The following BMPR1B variants were observed in gnomAD, a reference collection of about 807,000 sequenced individuals.
BMPR1B encodes bone morphogenetic protein receptor type 1B.
In BMPR1B, 12 loss-of-function variants were observed where a neutral mutation model predicts 59.1. The ratio of observed to expected loss-of-function variants is 0.20; its 90% CI spans 0.13 to 0.33. BMPR1B has a LOEUF of 0.33. Among genes scored for constraint, BMPR1B ranks in the 10% least tolerant of loss-of-function variants. BMPR1B has a pLI of 1.00. For synonymous variants in BMPR1B, 237 were observed against 207.3 expected, an observed-to-expected ratio of 1.14 and a Z score of -1.23; for missense variants, 550 against 610.9, an observed-to-expected ratio of 0.90 and a Z score of 1.05.
intron 3 of BMPR1B, among the ~76,000 whole-genome samples, chr4:95,022,674 G>A (rs1213122277): frequency 2.6e-5 from 4 of 151,950 alleles, no homozygotes; most frequent in African/African-American, 9.7e-5. Context: ...ATGTTTAGAA[G>A]TGTGTGTACC....
intron 1 of BMPR1B, among the ~76,000 whole-genome samples, chr4:94,764,250 C>T (rs1415897407): frequency 6.6e-6 from 1 of 152,088 alleles, no homozygotes; most frequent in Non-Finnish European, 1.5e-5. Context: ...AAACGTAGGT[C>T]ACTGGGGAGC....
chr4:94,828,190 A>T (rs1724451224), intron 1 of BMPR1B, among the ~76,000 whole-genome samples: 1 of 152,214 alleles, frequency 6.6e-6, no homozygotes, highest in Admixed American at 6.5e-5. Context: ...AATTAATAGG[A>T]TTAATAACTA....
intron 2 of BMPR1B, among the ~76,000 whole-genome samples, chr4:94,891,587 A>G (rs577864722): frequency 1.3e-5 from 2 of 152,106 alleles, no homozygotes; most frequent in African/African-American, 2.4e-5. Flanking sequence ...TAGTGGCCAC[A>G]CATTCTAATC....
intron 2 of BMPR1B, among the ~76,000 whole-genome samples, chr4:94,890,405 A>G (rs1326051739): frequency 1.3e-5 from 2 of 152,084 alleles, no homozygotes; most frequent in African/African-American, 2.4e-5. Context: ...ACAATTGGCA[A>G]TTGAAGAATT....
chr4:94,924,274 A>C (rs1728804954), intron 2 of BMPR1B, among the ~76,000 whole-genome samples: 1 of 152,106 alleles, frequency 6.6e-6, no homozygotes, highest in African/African-American at 2.4e-5. Flanking sequence ...CTTGCCCTTA[A>C]GTTTCTAAGC....
intron 1 of BMPR1B, among the ~76,000 whole-genome samples, chr4:94,844,008 G>A (rs34898640): frequency 0.61 from 92,836 of 151,574 alleles, 29,408 homozygotes; most frequent in African/African-American, 0.78. Context: ...CAGGGGCTGG[G>A]GTATGGGGGG....
chr4:95,046,600 G>T (rs977888026), intron 3 of BMPR1B, among the ~76,000 whole-genome samples: 1 of 152,186 alleles, frequency 6.6e-6, no homozygotes, highest in Non-Finnish European at 1.5e-5. Context: ...AATCTAGAAT[G>T]TGTGAATGTC....
intron 3 of BMPR1B, among the ~76,000 whole-genome samples, chr4:95,003,910 C>A (rs1436227784): frequency 7.2e-6 from 1 of 138,482 alleles, no homozygotes. Flanking sequence ...CAAGTTCAAG[C>A]GATTCTTCTG....
chr4:95,040,173 C>CT (rs1421469241), intron 3 of BMPR1B, among the ~76,000 whole-genome samples: 1 of 152,006 alleles, frequency 6.6e-6, no homozygotes, highest in African/African-American at 2.4e-5. Context: ...TTCTAAGACA[C>CT]TTTTTTCATA....
intron 1 of BMPR1B, among the ~76,000 whole-genome samples, chr4:94,791,912 C>G (rs546573924): frequency 6.6e-6 from 1 of 151,962 alleles, no homozygotes; most frequent in South Asian, 2.1e-4. Context: ...ATTTCCTAAC[C>G]GCATCTTTGC....
At chr4:94,841,029 G>A (rs1422365413) in intron 1 of BMPR1B, among the ~76,000 whole-genome samples, 1 of 147,584 alleles carries the variant, frequency 6.8e-6, no homozygotes, top group Non-Finnish European at 1.5e-5. Flanking sequence ...GCCGTGTGAG[G>A]TGTCAGTGTG....
intron 3 of BMPR1B, among the ~76,000 whole-genome samples, chr4:95,095,614 A>G (rs1730314205): frequency 6.6e-6 from 1 of 152,140 alleles, no homozygotes; most frequent in South Asian, 2.1e-4. Flanking sequence ...TGTGATATTC[A>G]AAGAGTTTAA....
intron 1 of BMPR1B, among the ~76,000 whole-genome samples, chr4:94,760,160 T>A (rs1037694380): frequency 2.0e-5 from 3 of 152,178 alleles, no homozygotes; most frequent in Admixed American, 1.3e-4. Flanking sequence ...AAAATCTTGA[T>A]TTATGTCATG....
At chr4:94,859,521 A>G (rs1465333825) in intron 1 of BMPR1B, among the ~76,000 whole-genome samples, 1 of 152,158 alleles carries the variant, frequency 6.6e-6, no homozygotes, top group East Asian at 1.9e-4. Flanking sequence ...ACTAGTTAAG[A>G]CATTATTTCA....
At chr4:94,915,608 TAATG>T (rs1278806417) in intron 2 of BMPR1B, among the ~76,000 whole-genome samples, 2 of 152,204 alleles carry the variant, frequency 1.3e-5, no homozygotes, top group Non-Finnish European at 2.9e-5. Flanking sequence ...ACAATTAACA[TAATG>T]AAGATATTAC....
chr4:94,779,403 G>A (rs1158605257), intron 1 of BMPR1B, among the ~76,000 whole-genome samples: 1 of 152,084 alleles, frequency 6.6e-6, no homozygotes, highest in African/African-American at 2.4e-5. Context: ...ATATTACATT[G>A]CCTTAACTAG....
At position 94,839,763 on chromosome 4, in the gene BMPR1B, T is replaced by G. The variant is rs191554000; in HGVS notation, c.-182-36068T>G. On this transcript the variant is annotated intron_variant, in intron 1 of 12. Transcript: ENST00000515059. Reference sequence around the variant, plus strand: ...TTGGAGCATTTAGTCCATTTACATTTAAAGTTAATATTGTGATGTGTGAAT... The same window carrying G: ...TTGGAGCATTTAGTCCATTTACATTGAAAGTTAATATTGTGATGTGTGAAT... Among the ~76,000 whole-genome samples, 1,355 of 137,564 alleles carry G rather than the reference T, an allele frequency of 9.8e-3. 82 individuals carry two copies. Among genetic ancestry groups the G allele is most frequent in the African/African-American group, 0.034 (1,234 of 36,040 alleles). 90.2% of individuals were successfully genotyped at this position (137,564 alleles called of 152,430 possible).
intron 3 of BMPR1B, among the ~76,000 whole-genome samples, chr4:95,033,608 C>G (rs978402653): frequency 6.6e-6 from 1 of 152,052 alleles, no homozygotes; most frequent in African/African-American, 2.4e-5. Context: ...AGAGCAAAAG[C>G]GTTTTAGTGT....
intron 1 of BMPR1B, among the ~76,000 whole-genome samples, chr4:94,851,887 G>A (rs13150342): frequency 0.61 from 92,410 of 151,872 alleles, 28,980 homozygotes; most frequent in African/African-American, 0.76. Context: ...AACTCTACGA[G>A]TATGAAGACC....
Sources: allele counts gnomAD v4.1 joint callset (sites outside exome capture counted in the v4.1 genomes callset), GRCh38; gene constraint gnomAD v4.1.1; transcripts MANE v1.5; gene names NCBI Gene and HGNC (gene_info 2026-07-23, HGNC 2026-07-21).